ALKBH6: variants seen among roughly 807,000 people sequenced by gnomAD.
The protein encoded by ALKBH6 is alkB homolog 6, nucleotide demethylase, also known as probable RNA/DNA demethylase ALKBH6.
A neutral mutation model predicts 25.1 loss-of-function variants in ALKBH6; 20 were observed. The ratio of observed to expected loss-of-function variants is 0.80; its 90% CI spans 0.56 to 1.16. The LOEUF is 1.16. Ranked by LOEUF, ALKBH6 falls within the 50% of genes most tolerant of loss-of-function variation. ALKBH6 has a pLI of 0.00. For missense variants in ALKBH6, 263 were observed against 326.5 expected (o/e 0.81, Z 1.50); for synonymous variants, 156 against 147.5 (o/e 1.06, Z -0.42).
chr19:36,013,239 G>C lies in ALKBH6; in HGVS notation c.54+105C>G. The C allele has an allele frequency of 6.7e-7, 1 of 1,501,574 alleles. No homozygotes were observed. Among genetic ancestry groups the C allele is most frequent in the Non-Finnish European group, 9.2e-7 (1 of 1,082,242 alleles). 93.0% of individuals were successfully genotyped at this position (1,501,574 alleles called of 1,614,324 possible). ...CAAGGGACCAGTGCCATTCCAGAAT[G>C]GACTCTGACAGTAAGAATGAATTTG... On this transcript the variant is annotated intron_variant, in intron 2 of 6. Transcript: ENST00000378875. This position sits in a 1 kb window ranked among gnomAD's most constrained non-coding sequence, Gnocchi z 4.6.
In ALKBH6 at chr19:36,010,926, C is replaced by T. The variant is rs750624920; in HGVS notation, c.304G>A (p.Val102Met). The stretch of plus-strand genomic sequence containing the variant: ...CCCTCCCCAGGCAGATACTGGTTCA[C>T]GAGGACATGGTTAGCTGGGAGGCCT... Reference protein sequence around the residue: ...FGGLPANHVLVNQYLPGEGIM... With the variant: ...FGGLPANHVLMNQYLPGEGIM... Residue 102 changes from valine to methionine, a missense_variant, in exon 5 of 7, where the codon GTG becomes ATG. Val to Met is a conservative substitution (Grantham distance 21). This residue lies in a region of ALKBH6 where 112 missense variants were observed against 153.0 expected (regional missense o/e 0.73). Coordinates refer to ENST00000378875, the MANE Select transcript of ALKBH6 (RefSeq NM_032878.5). The surrounding 1 kb of genome is among the most constrained non-coding windows in gnomAD (Gnocchi z 5.5). 74 of 1,613,880 alleles carry T rather than the reference C, an allele frequency of 4.6e-5. 1 individual carries two copies. The highest frequency in any genetic ancestry group is 1.1e-4 in the South Asian group (10 of 91,088).
chr19:36,011,942 T>G (rs1968622060), intron 3 of ALKBH6: 1 of 154,878 alleles, frequency 6.5e-6, no homozygotes, highest in African/African-American at 2.4e-5. Flanking sequence ...AAAACTTAGC[T>G]GGGCATGGTG....
chr19:36,011,224 CCAACT>C (rs1327275204), intron 4 of ALKBH6, 175 bp downstream of exon 4: 3 of 1,127,126 alleles, frequency 2.7e-6, no homozygotes, highest in East Asian at 5.2e-5. Context: ...TCAGATACTC[CCAACT>C]CATCAGGAAA....
Position 36,010,877 on chromosome 19 carries a change from C to T in ALKBH6, c.336+17G>A, listed in dbSNP as rs746193242. On this transcript the variant is annotated intron_variant, in intron 5 of 6. Coordinates refer to ENST00000378875, the MANE Select transcript of ALKBH6 (RefSeq NM_032878.5). This position sits in a 1 kb window ranked among gnomAD's most constrained non-coding sequence, Gnocchi z 5.5. Reference sequence around the variant, plus strand: ...GAAGTCTGAGTGGGGGGACACGGGCCGAGGGTGTGTGGTTACCATGATGCC... The same window carrying T: ...GAAGTCTGAGTGGGGGGACACGGGCTGAGGGTGTGTGGTTACCATGATGCC... 13 of 1,613,420 alleles carry T rather than the reference C, an allele frequency of 8.1e-6. No individual in the cohort carries two copies. The highest frequency in any genetic ancestry group is 4.0e-5 in the African/African-American group (3 of 74,760).
intron 4 of ALKBH6, 74 bp downstream of exon 4, chr19:36,011,330 A>G: frequency 6.5e-7 from 1 of 1,549,224 alleles, no homozygotes; most frequent in East Asian, 2.3e-5. Context: ...TGATGTCTTA[A>G]GTCTATTGGA....
chr19:36,009,267 C>T lies in ALKBH6; in HGVS notation c.*23G>A. Reference sequence around the variant, plus strand: ...CCCAAAGGGGCAGGAACCTGGGAATCCGAGGGGTCCCGGCCCTGGCGGTCA... The same window carrying T: ...CCCAAAGGGGCAGGAACCTGGGAATTCGAGGGGTCCCGGCCCTGGCGGTCA... On this transcript the variant is annotated 3_prime_UTR_variant, in exon 7 of 7. Coordinates refer to ENST00000378875, the MANE Select transcript of ALKBH6 (RefSeq NM_032878.5). The T allele has an allele frequency of 7.6e-7, 1 of 1,310,414 alleles. No homozygotes were observed. The highest frequency in any genetic ancestry group is 9.7e-7 in the Non-Finnish European group (1 of 1,030,826). 81.2% of individuals were successfully genotyped at this position (1,310,414 alleles called of 1,614,324 possible).
Position 36,013,871 on chromosome 19 carries a change from C to T in ALKBH6, c.-26+304G>A. On this transcript the variant is annotated intron_variant, in intron 1 of 6. Coordinates refer to ENST00000378875, the MANE Select transcript of ALKBH6 (RefSeq NM_032878.5). The surrounding 1 kb of genome is among the most constrained non-coding windows in gnomAD (Gnocchi z 4.6). ...CCCCCACCGAATCCCATTCTGTGCA[C>T]TCCTGTGACCCCAATCTGAGCCTCC... 1.5e-6 allele frequency: 2 copies of T among 1,325,646 alleles called. No homozygotes were observed. The highest frequency in any genetic ancestry group is 1.9e-6 in the Non-Finnish European group (2 of 1,040,212). The allele number at this position is 1,325,646 out of a possible 1,614,324, so 82.1% of individuals were successfully genotyped here. A position where few individuals can be genotyped will look rare whatever the true frequency, so the allele number is the denominator to read the frequency against.
At position 36,010,861 on chromosome 19, in the gene ALKBH6, G is replaced by GT; in HGVS notation, c.336+32dup. 1.2e-6 allele frequency: 2 copies of GT among 1,612,350 alleles called. No homozygotes were observed. Among genetic ancestry groups the GT allele is most frequent in the Non-Finnish European group, 1.7e-6 (2 of 1,178,838 alleles). ...GCCCCAGCACAGCTCAGAAGTCTGA[G>GT]TGGGGGGACACGGGCCGAGGGTGTG... is the stretch of plus-strand genomic sequence containing the variant. On this transcript the variant is annotated intron_variant, in intron 5 of 6. Coordinates refer to ENST00000378875, the MANE Select transcript of ALKBH6 (RefSeq NM_032878.5). This position sits in a 1 kb window ranked among gnomAD's most constrained non-coding sequence, Gnocchi z 5.5.
chr19:36,010,862 T>C lies in ALKBH6; in HGVS notation c.336+32A>G, dbSNP rs1599684539. On this transcript the variant is annotated intron_variant, in intron 5 of 6. Coordinates refer to ENST00000378875, the MANE Select transcript of ALKBH6 (RefSeq NM_032878.5). The surrounding 1 kb of genome is among the most constrained non-coding windows in gnomAD (Gnocchi z 5.5). ...CCCCAGCACAGCTCAGAAGTCTGAG[T>C]GGGGGGACACGGGCCGAGGGTGTGT... 3.7e-6 allele frequency: 6 copies of C among 1,612,126 alleles called. No homozygotes were observed. The African/African-American group carries it at 4.0e-5, about 11-fold the overall frequency.
Position 36,013,648 on chromosome 19 carries a change from T to C in ALKBH6, c.-25-226A>G. The C allele has an allele frequency of 7.3e-7, 1 of 1,377,748 alleles. No homozygotes were observed. The highest frequency in any genetic ancestry group is 9.4e-7 in the Non-Finnish European group (1 of 1,063,756). The allele number at this position is 1,377,748 out of a possible 1,614,324, so 85.3% of individuals were successfully genotyped here. Reference sequence around the variant, plus strand: ...AATAATCCCCCATTACTCTGTCCACTAAGGGCCCATCCAACTACACATATG... The same window carrying C: ...AATAATCCCCCATTACTCTGTCCACCAAGGGCCCATCCAACTACACATATG... On this transcript the variant is annotated intron_variant, in intron 1 of 6. Coordinates refer to ENST00000378875, the MANE Select transcript of ALKBH6 (RefSeq NM_032878.5). This position sits in a 1 kb window ranked among gnomAD's most constrained non-coding sequence, Gnocchi z 4.6.
chr19:36,009,276 C>T lies in ALKBH6; in HGVS notation c.*14G>A. ...GCAGGAACCTGGGAATCCGAGGGGT[C>T]CCGGCCCTGGCGGTCACTTGCCCAG... On this transcript the variant is annotated 3_prime_UTR_variant, in exon 7 of 7. Coordinates refer to ENST00000378875, the MANE Select transcript of ALKBH6 (RefSeq NM_032878.5). The T allele has an allele frequency of 7.5e-7, 1 of 1,337,486 alleles. No homozygotes were observed. Among genetic ancestry groups the T allele is most frequent in the Non-Finnish European group, 9.6e-7 (1 of 1,045,014 alleles). The allele number at this position is 1,337,486 out of a possible 1,614,324, so 82.9% of individuals were successfully genotyped here. A position where few individuals can be genotyped will look rare whatever the true frequency, so the allele number is the denominator to read the frequency against.
Position 36,014,166 on chromosome 19 carries a change from A to G in ALKBH6, c.-26+9T>C. 1 of 1,611,762 alleles carries G rather than the reference A, an allele frequency of 6.2e-7. No homozygotes were observed. The highest frequency in any genetic ancestry group is 8.5e-7 in the Non-Finnish European group (1 of 1,179,034). The stretch of plus-strand genomic sequence containing the variant: ...TCCATCTCTACCCCCAGCACTCCCC[A>G]AAACTGACCGTCCACCAGCGTCCCC... On this transcript the variant is annotated intron_variant, in intron 1 of 6. Coordinates refer to ENST00000378875, the MANE Select transcript of ALKBH6 (RefSeq NM_032878.5).
intron 3 of ALKBH6, chr19:36,012,450 A>G (rs1968634781): frequency 6.5e-6 from 1 of 153,734 alleles, no homozygotes; most frequent in Admixed American, 6.5e-5. Context: ...AGATTTTTCA[A>G]TGCCAAGAAC....
intron 4 of ALKBH6, 135 bp from the exon 5 acceptor site, chr19:36,011,180 A>G: frequency 7.8e-7 from 1 of 1,288,406 alleles, no homozygotes; most frequent in Non-Finnish European, 1.1e-6. Flanking sequence ...GGTCCTTCAG[A>G]GGTTTCCTCA....
Position 36,013,747 on chromosome 19 carries a change from A to G in ALKBH6, c.-25-325T>C, listed in dbSNP as rs879678040. On this transcript the variant is annotated intron_variant, in intron 1 of 6. Transcript: ENST00000378875. The surrounding 1 kb of genome is among the most constrained non-coding windows in gnomAD (Gnocchi z 4.6). ...AGCCTTTCTCAAAAGCTCTACACAT[A>G]GCCCCCAGGGCTGCACTCCAGAGCC... The G allele has an allele frequency of 1.6e-6, 2 of 1,278,554 alleles. No individual in the cohort carries two copies. Among genetic ancestry groups the G allele is most frequent in the East Asian group, 7.7e-5 (2 of 26,086 alleles). The allele number at this position is 1,278,554 out of a possible 1,614,324, so 79.2% of individuals were successfully genotyped here.
chr19:36,012,761 C>A, intron 3 of ALKBH6: 1 of 467,470 alleles, frequency 2.1e-6, no homozygotes, highest in Non-Finnish European at 3.9e-6. Flanking sequence ...GCTATCTCAG[C>A]ACAGAAATCT....
chr19:36,012,947 C>T, intron 3 of ALKBH6, 74 bp downstream of exon 3: 1 of 1,460,416 alleles, frequency 6.8e-7, no homozygotes, highest in Non-Finnish European at 9.6e-7. Context: ...CTTGGGGGCT[C>T]TCATACAGAG....
At chr19:36,011,089 G>T in intron 4 of ALKBH6, 44 bp from the exon 5 acceptor site, 12 of 1,557,890 alleles carry the variant, frequency 7.7e-6, no homozygotes, top group Non-Finnish European at 1.0e-5. Context: ...TATAGCAATA[G>T]ATCCCCCATT....
Position 36,010,637 on chromosome 19 carries a change from C to T in ALKBH6, c.383G>A (p.Ser128Asn). ...GTCCAGCACGGTGTGGGAGCCCAGG[C>T]TGATGGTGCTGACAGTCGGGTAGTA... The part of the protein sequence containing the change: ...PLYYPTVSTI[S>N]LGSHTVLDFY... Residue 128 changes from serine to asparagine, a missense_variant, in exon 6 of 7, where the codon AGC becomes AAC. Transcript: ENST00000378875. The surrounding 1 kb of genome is among the most constrained non-coding windows in gnomAD (Gnocchi z 5.5). 1 of 1,613,984 alleles carries T rather than the reference C, an allele frequency of 6.2e-7. No homozygotes were observed.
Sources: gnomAD v4.1 joint callset for allele counts on GRCh38, gnomAD v4.1.1 for gene constraint, gnomAD v4.1.1 regional missense constraint, Gnocchi (gnomAD v3.1) non-coding constraint, MANE v1.5 for transcripts, NCBI Gene and HGNC (gene_info 2026-07-23, HGNC 2026-07-21) for gene names.